Variants in SLC35B4 observed in about 807,000 individuals in gnomAD.
The protein encoded by SLC35B4 is solute carrier family 35 member B4.
SLC35B4 carries 28 observed loss-of-function variants against 39.5 expected under a neutral mutation model. The ratio of observed to expected loss-of-function variants is 0.71; its 90% CI spans 0.53 to 0.97. SLC35B4 has a LOEUF of 0.97. Ranked by LOEUF, SLC35B4 falls within the 50% of genes least tolerant of loss-of-function variation. SLC35B4 has a pLI of 0.00. For missense variants in SLC35B4, 334 were observed against 414.3 expected, an observed-to-expected ratio of 0.81 and a Z score of 1.68; for synonymous variants, 145 against 150.4, an observed-to-expected ratio of 0.96 and a Z score of 0.26.
chr7:134,315,408 T>C (rs916285531), intron 1 of SLC35B4, among the ~76,000 whole-genome samples: 2 of 152,206 alleles, frequency 1.3e-5, no homozygotes, highest in African/African-American at 4.8e-5. Flanking sequence ...TGAAACTTTT[T>C]GAGCACTGAT....
chr7:134,315,642 C>CAAAAAAA (rs376704817), intron 1 of SLC35B4, among the ~76,000 whole-genome samples: 11 of 99,950 alleles, frequency 1.1e-4, no homozygotes, highest in Admixed American at 1.1e-4. Context: ...CTCCCAAATC[C>CAAAAAAA]AAAAAAAAAA....
chr7:134,317,153 A>G (rs150077387), upstream of SLC35B4: 92 of 195,338 alleles, frequency 4.7e-4, no homozygotes, highest in East Asian at 0.012. Context: ...CCAAAGCGTC[A>G]GTGTTTCTTG....
intron 6 of SLC35B4, 134 bp from the exon 7 acceptor site, chr7:134,300,395 A>C: frequency 1.8e-6 from 1 of 570,756 alleles, no homozygotes; most frequent in East Asian, 3.0e-5. Flanking sequence ...CTGTAAAAAG[A>C]AATAAAAATA....
At position 134,293,761 on chromosome 7, in the gene SLC35B4, C is replaced by T. The variant is rs1803389937; in HGVS notation, c.*1072G>A. 6.6e-6 allele frequency: 1 copy of T among 151,308 alleles called. No homozygotes were observed. Among genetic ancestry groups the T allele is most frequent in the African/African-American group, 2.4e-5 (1 of 41,084 alleles). The allele number at this position is 151,308 out of a possible 1,614,324, so 9.4% of individuals were successfully genotyped here. ...TCACCACTGTGGCCTAGGCAATGGG[C>T]TTCAGGGGTGTCCAGTCCATAACAA... On this transcript the variant is annotated 3_prime_UTR_variant, in exon 10 of 10. Transcript: ENST00000378509.
intron 3 of SLC35B4, among the ~76,000 whole-genome samples, chr7:134,306,100 C>T (rs1198235088): frequency 6.6e-6 from 1 of 152,034 alleles, no homozygotes; most frequent in Non-Finnish European, 1.5e-5. Flanking sequence ...ATTATAATTG[C>T]TTTGGAAACT....
chr7:134,306,071 A>G (rs1803703178), intron 3 of SLC35B4, among the ~76,000 whole-genome samples: 1 of 152,184 alleles, frequency 6.6e-6, no homozygotes, highest in Non-Finnish European at 1.5e-5. Context: ...TATGTTTTCA[A>G]TGCTTTGAAG....
rs1312772367 is a variant in SLC35B4 at position 134,292,270 on chromosome 7, G to A, written c.*2563C>T. The A allele has an allele frequency of 6.5e-6, 1 of 153,014 alleles. No homozygotes were observed. The highest frequency in any genetic ancestry group is 1.5e-5 in the Non-Finnish European group (1 of 68,126). 9.5% of individuals were successfully genotyped at this position (153,014 alleles called of 1,614,324 possible). A position where few individuals can be genotyped will look rare whatever the true frequency, so the allele number is the denominator to read the frequency against. On this transcript the variant is annotated 3_prime_UTR_variant, in exon 10 of 10. Coordinates refer to ENST00000378509, the MANE Select transcript of SLC35B4 (RefSeq NM_032826.5). ...AAGGGGAACGTATTTTTTTTTTAAA[G>A]AGTAGTTTTAAAAAGTATTAACTGG...
In SLC35B4 at chr7:134,290,891, T is replaced by G. The variant is rs1430621919; in HGVS notation, c.*3942A>C. On this transcript the variant is annotated 3_prime_UTR_variant, in exon 10 of 10. Coordinates refer to ENST00000378509, the MANE Select transcript of SLC35B4 (RefSeq NM_032826.5). Reference sequence around the variant, plus strand: ...ACATAGGATCTTGATTTCAACGTAGTTCTCCTCCATGTGCATTTCTCTGTC... The same window carrying G: ...ACATAGGATCTTGATTTCAACGTAGGTCTCCTCCATGTGCATTTCTCTGTC... 1 of 152,216 alleles carries G rather than the reference T, an allele frequency of 6.6e-6. No homozygotes were observed. The highest frequency in any genetic ancestry group is 1.5e-5 in the Non-Finnish European group (1 of 68,046). The allele number at this position is 152,216 out of a possible 1,614,324, so 9.4% of individuals were successfully genotyped here.
rs1423615713 is a variant in SLC35B4 at position 134,293,451 on chromosome 7, C to T, written c.*1382G>A. 1 of 152,226 alleles carries T rather than the reference C, an allele frequency of 6.6e-6. No homozygotes were observed. Among genetic ancestry groups the T allele is most frequent in the Non-Finnish European group, 1.5e-5 (1 of 68,044 alleles). 9.4% of individuals were successfully genotyped at this position (152,226 alleles called of 1,614,324 possible). ...CCACACACAATAAAGCACATCCAAC[C>T]ATCCTCAATACCCATCGAGAATGCT... is the stretch of plus-strand genomic sequence containing the variant. On this transcript the variant is annotated 3_prime_UTR_variant, in exon 10 of 10. Transcript: ENST00000378509.
upstream of SLC35B4, among the ~76,000 whole-genome samples, chr7:134,317,715 A>G (rs371558718): frequency 2.0e-5 from 3 of 150,240 alleles, no homozygotes; most frequent in African/African-American, 7.6e-5. Context: ...TTCTCATAGC[A>G]CTTACAATCT....
Position 134,294,666 on chromosome 7 carries a change from A to C in SLC35B4, c.*167T>G, listed in dbSNP as rs556414898. The C allele has an allele frequency of 9.2e-5, 68 of 737,782 alleles. No individual in the cohort carries two copies. Among genetic ancestry groups the C allele is most frequent in the Non-Finnish European group, 1.3e-4 (61 of 462,710 alleles). The allele number at this position is 737,782 out of a possible 1,614,324, so 45.7% of individuals were successfully genotyped here. A position where few individuals can be genotyped will look rare whatever the true frequency, so the allele number is the denominator to read the frequency against. ...GGGCTGAGGGGTTTCTATTTAGTCT[A>C]CATGTGTCAGTCTGAGCAACGTGAG... On this transcript the variant is annotated 3_prime_UTR_variant, in exon 10 of 10. Transcript: ENST00000378509.
At position 134,316,742 on chromosome 7, in the gene SLC35B4, C is replaced by G; in HGVS notation, c.10G>C (p.Ala4Pro). The part of the protein sequence containing the change: MRP[A>P]LAVGLVFAGC... The stretch of plus-strand genomic sequence containing the variant: ...GCGAACACCAGGCCCACCGCCAAGG[C>G]CGGGCGCATGGCCGGTGCAGGGTTG... The change falls in exon 1 of 10, where the codon GCC becomes CCC. Residue 4 changes from alanine to proline, a missense_variant. Ala to Pro is a conservative substitution (Grantham distance 27, BLOSUM62 -1). Coordinates refer to ENST00000378509, the MANE Select transcript of SLC35B4 (RefSeq NM_032826.5). 1 of 1,549,386 alleles carries G rather than the reference C, an allele frequency of 6.5e-7. No homozygotes were observed. The highest frequency in any genetic ancestry group is 8.7e-7 in the Non-Finnish European group (1 of 1,146,776).
rs1803425463 is a variant in SLC35B4 at position 134,294,941 on chromosome 7, G to A, written c.888C>T (p.His296=). The stretch of plus-strand genomic sequence containing the variant: ...TGAAGACAAACAAGGTGCCCAGCCA[G>A]TGCCACAGGGTGAAGGGGTTCTGGA... ...LYFQNPFTLW[H]WLGTLFVFIG... The change falls in exon 10 of 10, where the codon CAC becomes CAT. Residue 296 remains histidine (H), a synonymous_variant. Coordinates refer to ENST00000378509, the MANE Select transcript of SLC35B4 (RefSeq NM_032826.5). The A allele has an allele frequency of 6.2e-7, 1 of 1,614,092 alleles. No individual in the cohort carries two copies. The highest frequency in any genetic ancestry group is 1.3e-5 in the African/African-American group (1 of 74,918).
Position 134,304,811 on chromosome 7 carries a change from T to C in SLC35B4, c.338A>G (p.Lys113Arg), listed in dbSNP as rs1376033605. 6.2e-7 allele frequency: 1 copy of C among 1,610,096 alleles called. No homozygotes were observed. The highest frequency in any genetic ancestry group is 1.3e-5 in the African/African-American group (1 of 74,818). ...ANMILGIIIL[K>R]KRYSIFKYTS... ...ACAGAAGTGTATTGTTTACCTTTTC[T>C]TCAAAATGATAATTCCTAGAATCAT... The change falls in exon 4 of 10, where the codon AAG (lysine) becomes AGG (arginine). Residue 113 changes from lysine (K) to arginine (R), a missense_variant. By Grantham distance (26) the Lys-to-Arg change is conservative. Transcript: ENST00000378509.
At chr7:134,319,614 A>G (rs1409141139), upstream of SLC35B4, among the ~76,000 whole-genome samples, 3 of 152,044 alleles carry the variant, frequency 2.0e-5, no homozygotes, top group Non-Finnish European at 2.9e-5. Flanking sequence ...GTGTGTGTCT[A>G]TGTACAGCCC....
rs1554482251 is a variant in SLC35B4 at position 134,293,147 on chromosome 7, T to TACACGC, written c.*1685_*1686insGCGTGT. The TACACGC allele has an allele frequency of 6.6e-6, 1 of 150,510 alleles. No individual in the cohort carries two copies. Among genetic ancestry groups the TACACGC allele is most frequent in the Non-Finnish European group, 1.5e-5 (1 of 67,548 alleles). 9.3% of individuals were successfully genotyped at this position (150,510 alleles called of 1,614,324 possible). A position where few individuals can be genotyped will look rare whatever the true frequency, so the allele number is the denominator to read the frequency against. ...TGTGCACCACACACACACACATACA[T>TACACGC]ACACACACACACACACAGTCTTTGT... On this transcript the variant is annotated 3_prime_UTR_variant, in exon 10 of 10. Coordinates refer to ENST00000378509, the MANE Select transcript of SLC35B4 (RefSeq NM_032826.5).
At chr7:134,304,543 G>A (rs1255723253) in intron 4 of SLC35B4, among the ~76,000 whole-genome samples, 3 of 152,272 alleles carry the variant, frequency 2.0e-5, no homozygotes, top group African/African-American at 4.8e-5. Context: ...AGTTGGCTTC[G>A]CAGGTTAGTA....
rs965624903 is a variant in SLC35B4, at chr7:134,293,171, G to A, written c.*1662C>T. Reference sequence around the variant, plus strand: ...ATACACACACACACACACAGTCTTTGTCTATAGGCAAACAGAGAAGTGGCC... The same window carrying A: ...ATACACACACACACACACAGTCTTTATCTATAGGCAAACAGAGAAGTGGCC... On this transcript the variant is annotated 3_prime_UTR_variant, in exon 10 of 10. Transcript: ENST00000378509. 6.8e-6 allele frequency: 1 copy of A among 146,946 alleles called. No individual in the cohort carries two copies. Among genetic ancestry groups the A allele is most frequent in the African/African-American group, 2.6e-5 (1 of 37,744 alleles). 9.1% of individuals were successfully genotyped at this position (146,946 alleles called of 1,614,324 possible).
chr7:134,316,108 T>A (rs895396669), intron 1 of SLC35B4, among the ~76,000 whole-genome samples: 14 of 152,192 alleles, frequency 9.2e-5, no homozygotes, highest in African/African-American at 1.7e-4. Flanking sequence ...GGCAAAGTAC[T>A]CATAACCATT....
Sources: allele counts gnomAD v4.1 joint callset (sites outside exome capture counted in the v4.1 genomes callset), GRCh38; gene constraint gnomAD v4.1.1; transcripts MANE v1.5; gene names NCBI Gene and HGNC (gene_info 2026-07-23, HGNC 2026-07-21).